The following PDE4D variants were observed in gnomAD, a reference collection of about 807,000 sequenced individuals.
PDE4D encodes the protein phosphodiesterase 4D, also known as 3',5'-cyclic-AMP phosphodiesterase 4D.
Under a neutral mutation model 87.4 loss-of-function variants are expected in PDE4D, and 24 were observed. The observed-to-expected ratio is 0.27, with a 90% CI of 0.20 to 0.39. The LOEUF is 0.39. Among genes scored for constraint, PDE4D ranks in the 10% least tolerant of loss-of-function variants. PDE4D has a pLI of 1.00. For missense variants in PDE4D, 714 were observed against 1,041.0 expected (o/e 0.69, Z 4.32); for synonymous variants, 384 against 383.2 (o/e 1.00, Z -0.02).
rs913875276 is a variant in PDE4D, at chr5:58,990,017, G to A, written c.1288-98C>T. On this transcript the variant is annotated intron_variant, in intron 9 of 14. Transcript: ENST00000340635. ...AAAAAATCACACACCAGTGTTGCCA[G>A]TGGATAACCTGGAAATGGCAACTGC... 17 of 723,110 alleles carry A rather than the reference G, an allele frequency of 2.4e-5. No homozygotes were observed. The East Asian group carries it at 4.4e-4, about 19-fold the overall frequency. 44.8% of individuals were successfully genotyped at this position (723,110 alleles called of 1,614,324 possible). A position where few individuals can be genotyped will look rare whatever the true frequency, so the allele number is the denominator to read the frequency against.
intron 1 of PDE4D, among the ~76,000 whole-genome samples, chr5:59,381,162 T>C (rs78103527): frequency 0.017 from 2,628 of 152,300 alleles, 21 homozygotes; most frequent in Middle Eastern, 0.027. Flanking sequence ...ACAAAGACCA[T>C]TGTAGGCCAG....
intron 1 of PDE4D, among the ~76,000 whole-genome samples, chr5:60,464,443 T>C (rs1747191127): frequency 6.6e-6 from 1 of 152,188 alleles, no homozygotes; most frequent in East Asian, 1.9e-4. Flanking sequence ...CTCTGGATAT[T>C]ATCATCACAG....
chr5:59,649,427 G>A (rs921062595), intron 1 of PDE4D, among the ~76,000 whole-genome samples: 4 of 152,132 alleles, frequency 2.6e-5, no homozygotes, highest in Admixed American at 6.5e-5. Context: ...GTGGTGAATG[G>A]CCTTCAAGAT....
rs570215036 is a variant in PDE4D, at chr5:60,318,674, G to T, written c.-89-132987C>A. On this transcript the variant is annotated intron_variant, in intron 1 of 16. Transcript: ENST00000502484. ...TTCCTTCAGGAGCTCTTTTAGGGCA[G>T]CCCTGGTGGTGACAAAATCTCTCAG... 5.3e-5 allele frequency among the ~76,000 whole-genome samples: 8 copies of T among 152,228 alleles called. No individual in the cohort carries two copies. The East Asian group carries it at 1.2e-3, about 22-fold the overall frequency.
chr5:60,519,807 C>T (rs1243841480), intron 1 of PDE4D, among the ~76,000 whole-genome samples: 1 of 152,126 alleles, frequency 6.6e-6, no homozygotes, highest in Non-Finnish European at 1.5e-5. Flanking sequence ...TTTCCTCCAA[C>T]TTTTAATACG....
At chr5:59,697,294 T>TA (rs992682869) in intron 1 of PDE4D, among the ~76,000 whole-genome samples, 9 of 152,122 alleles carry the variant, frequency 5.9e-5, no homozygotes, top group African/African-American at 1.9e-4. Flanking sequence ...AGCTATTAAA[T>TA]AAAAAAGTTA....
chr5:60,092,938 C>T (rs568116040), intron 2 of PDE4D, among the ~76,000 whole-genome samples: 12 of 152,164 alleles, frequency 7.9e-5, no homozygotes, highest in African/African-American at 2.2e-4. Flanking sequence ...TGACTCACCA[C>T]GAGGGACTAC....
intron 1 of PDE4D, among the ~76,000 whole-genome samples, chr5:60,326,910 A>T (rs1035508561): frequency 2.6e-5 from 4 of 152,056 alleles, no homozygotes; most frequent in Non-Finnish European, 5.9e-5. Flanking sequence ...ACTGAGGTAG[A>T]CACAGTAAAA....
intron 1 of PDE4D, among the ~76,000 whole-genome samples, chr5:59,254,299 A>T (rs189767504): frequency 4.9e-4 from 74 of 152,198 alleles, no homozygotes; most frequent in Non-Finnish European, 8.1e-4. Flanking sequence ...GTTCACTCAG[A>T]TGTCTACCCT....
intron 2 of PDE4D, among the ~76,000 whole-genome samples, chr5:60,002,494 G>GTGAACATAAATGCAAAAGTCC (rs1205386216): frequency 2.0e-5 from 3 of 152,038 alleles, no homozygotes; most frequent in African/African-American, 4.8e-5. Context: ...AGTATCCCTG[G>GTGAACATAAATGCAAAAGTCC]TGAACATAAA....
At chr5:59,360,218 T>G (rs1345004377) in intron 1 of PDE4D, among the ~76,000 whole-genome samples, 1 of 152,160 alleles carries the variant, frequency 6.6e-6, no homozygotes, top group Non-Finnish European at 1.5e-5. Context: ...ATTCAATTAC[T>G]TGCGCATCAA....
chr5:59,271,320 C>T (rs1034158915), intron 1 of PDE4D, among the ~76,000 whole-genome samples: 2 of 152,224 alleles, frequency 1.3e-5, no homozygotes, highest in African/African-American at 2.4e-5. Context: ...ATTACAGGAG[C>T]AAGCTACGCC....
chr5:59,488,145 T>C (rs184316180), intron 1 of PDE4D, among the ~76,000 whole-genome samples: 1 of 134,462 alleles, frequency 7.4e-6, no homozygotes, highest in East Asian at 2.2e-4. Flanking sequence ...CCCAGATAAA[T>C]CTTCTGACAT....
chr5:60,376,965 C>T (rs79231058), intron 1 of PDE4D, among the ~76,000 whole-genome samples: 4,212 of 152,260 alleles, frequency 0.028, 90 homozygotes, highest in Middle Eastern at 0.078. Context: ...CAACATCGTA[C>T]GTATGCATGT....
chr5:59,883,063 G>A (rs188594485), intron 1 of PDE4D, among the ~76,000 whole-genome samples: 3 of 152,166 alleles, frequency 2.0e-5, no homozygotes, highest in Non-Finnish European at 2.9e-5. Flanking sequence ...ACAGGCGTGA[G>A]CCAAGATGCC....
intron 1 of PDE4D, among the ~76,000 whole-genome samples, chr5:60,434,358 T>C (rs1393691499): frequency 6.6e-6 from 1 of 152,140 alleles, no homozygotes; most frequent in African/African-American, 2.4e-5. Context: ...TTCTAAATTA[T>C]CAGAAACCAA....
intron 6 of PDE4D, among the ~76,000 whole-genome samples, chr5:59,026,933 C>T (rs1001371399): frequency 6.6e-6 from 1 of 152,082 alleles, no homozygotes; most frequent in African/African-American, 2.4e-5. Context: ...ATTATTGAAC[C>T]AATACTGATA....
At chr5:60,002,092 A>G (rs1482807340) in intron 2 of PDE4D, among the ~76,000 whole-genome samples, 1 of 151,992 alleles carries the variant, frequency 6.6e-6, no homozygotes, top group East Asian at 1.9e-4. Context: ...TTATTCAATC[A>G]AAAGACACAA....
Position 60,040,076 on chromosome 5 carries a change from A to G in PDE4D, c.43-51359T>C, listed in dbSNP as rs1768293767. Among the ~76,000 whole-genome samples the G allele has an allele frequency of 2.6e-5, 4 of 152,340 alleles. No individual in the cohort carries two copies. In the South Asian group the frequency reaches 8.3e-4, roughly 32 times the overall value. On this transcript the variant is annotated intron_variant, in intron 2 of 16. Coordinates refer to the PDE4D transcript ENST00000502484. ...TTCCCAATTACCTTTATTTCTTAAG[A>G]TGAAGTTATTTAAATTTCACAAGTA...
Sources: allele counts gnomAD v4.1 joint callset (sites outside exome capture counted in the v4.1 genomes callset), GRCh38; gene constraint gnomAD v4.1.1; transcripts MANE v1.5; gene names NCBI Gene and HGNC (gene_info 2026-07-23, HGNC 2026-07-21).